TAFA2: variants seen among roughly 807,000 people sequenced by gnomAD.
TAFA2 encodes TAFA chemokine like family member 2.
Under a neutral mutation model 18.8 loss-of-function variants are expected in TAFA2, and 7 were observed. The ratio of observed to expected loss-of-function variants is 0.37; its 90% CI spans 0.21 to 0.70. TAFA2 has a LOEUF of 0.70. TAFA2 is among the 30% of genes least tolerant of loss of function. The pLI is 0.53. For missense variants in TAFA2, 122 were observed against 158.1 expected, an observed-to-expected ratio of 0.77 and a Z score of 1.23; for synonymous variants, 60 against 54.2, an observed-to-expected ratio of 1.11 and a Z score of -0.47.
chr12:61,916,703 G>GA (rs1280433788), intron 1 of TAFA2, among the ~76,000 whole-genome samples: 1 of 152,054 alleles, frequency 6.6e-6, no homozygotes, highest in East Asian at 1.9e-4. Context: ...TTTATTTAGA[G>GA]AAAAAATTCT....
intron 1 of TAFA2, among the ~76,000 whole-genome samples, chr12:62,063,885 T>C (rs182802559): frequency 0.012 from 1,328 of 112,104 alleles, 21 homozygotes; most frequent in African/African-American, 0.037. Context: ...CACACACACA[T>C]GCATACACAC....
At position 61,879,514 on chromosome 12, in the gene TAFA2, G is replaced by A. The variant is rs1291599762; in HGVS notation, c.-1-12088C>T. On this transcript the variant is annotated intron_variant, in intron 1 of 4. Transcript: ENST00000416284. ...CAGCGGTATTGGAGGGATCACTGCT[G>A]TCATGGTCAACCAGAGCCTGCTGAG... is the stretch of plus-strand genomic sequence containing the variant. 5 of 708,652 alleles carry A rather than the reference G, an allele frequency of 7.1e-6. 1 individual carries two copies. The highest frequency in any genetic ancestry group is 4.5e-5 in the South Asian group (3 of 65,962). The allele number at this position is 708,652 out of a possible 1,614,324, so 43.9% of individuals were successfully genotyped here.
intron 2 of TAFA2, among the ~76,000 whole-genome samples, chr12:61,823,426 CTA>C (rs1423064396): frequency 1.3e-5 from 2 of 152,132 alleles, no homozygotes; most frequent in Non-Finnish European, 2.9e-5. Flanking sequence ...TGTCAGTATA[CTA>C]TATTTAGCTG....
At chr12:62,192,995 G>A (rs140101888), upstream of TAFA2, among the ~76,000 whole-genome samples, 11 of 152,336 alleles carry the variant, frequency 7.2e-5, no homozygotes, top group East Asian at 2.1e-3. Context: ...GATTTAGACG[G>A]AGGATTTTCA....
chr12:61,908,110 T>C (rs1348323996), intron 1 of TAFA2, among the ~76,000 whole-genome samples: 2 of 152,112 alleles, frequency 1.3e-5, no homozygotes, highest in Non-Finnish European at 2.9e-5. Context: ...ATTAAGACTT[T>C]GGGGGACTGT....
intron 1 of TAFA2, among the ~76,000 whole-genome samples, chr12:62,102,272 A>G (rs1039170309): frequency 2.6e-5 from 4 of 152,170 alleles, no homozygotes; most frequent in African/African-American, 9.7e-5. Context: ...AACTATTGCT[A>G]TTTTTAAAAT....
At chr12:61,951,111 ACT>A (rs1212696414) in intron 1 of TAFA2, among the ~76,000 whole-genome samples, 1 of 152,092 alleles carries the variant, frequency 6.6e-6, no homozygotes, top group Non-Finnish European at 1.5e-5. Context: ...TCAGAAAAAG[ACT>A]CACTGAGAAG....
At chr12:61,716,527 C>A (rs1198458936) in intron 4 of TAFA2, among the ~76,000 whole-genome samples, 1 of 152,008 alleles carries the variant, frequency 6.6e-6, no homozygotes. Context: ...TTTGTGAAAT[C>A]ACTGCCAAAT....
chr12:61,874,444 A>T (rs527398115), intron 1 of TAFA2, among the ~76,000 whole-genome samples: 1 of 152,232 alleles, frequency 6.6e-6, no homozygotes, highest in African/African-American at 2.4e-5. Flanking sequence ...GTTTCTAAGG[A>T]TTTTCTGGCA....
At chr12:61,960,910 C>T (rs1440965817) in intron 1 of TAFA2, among the ~76,000 whole-genome samples, 2 of 151,744 alleles carry the variant, frequency 1.3e-5, no homozygotes, top group Non-Finnish European at 2.9e-5. Context: ...GCTGTATTTG[C>T]TATTGTATGA....
chr12:61,747,548 A>G (rs1868780670), intron 4 of TAFA2, among the ~76,000 whole-genome samples: 1 of 150,600 alleles, frequency 6.6e-6, no homozygotes. Context: ...AAAAATGATG[A>G]GTTCATGTCC....
At chr12:62,241,655 T>TG (rs1306063452) in intron 1 of TAFA2, among the ~76,000 whole-genome samples, 1 of 152,220 alleles carries the variant, frequency 6.6e-6, no homozygotes. Flanking sequence ...AATAAACCCT[T>TG]GAAGATTTGT....
At chr12:61,713,173 T>C (rs891665513) in intron 4 of TAFA2, among the ~76,000 whole-genome samples, 1 of 152,178 alleles carries the variant, frequency 6.6e-6, no homozygotes, top group Non-Finnish European at 1.5e-5. Flanking sequence ...TGTAGCCCAC[T>C]CTTACACCAA....
At chr12:62,199,241 G>A (rs1435963417) in intron 1 of TAFA2, among the ~76,000 whole-genome samples, 2 of 152,068 alleles carry the variant, frequency 1.3e-5, no homozygotes, top group Admixed American at 1.3e-4. Flanking sequence ...TGTGCAAGAC[G>A]TCTAGGTTTG....
chr12:61,743,910 A>T (rs1868573929), intron 4 of TAFA2, among the ~76,000 whole-genome samples: 1 of 152,126 alleles, frequency 6.6e-6, no homozygotes. Flanking sequence ...CTCACAGTAG[A>T]GGAAAAAAGC....
At chr12:61,836,732 G>GATATATATGTATATAT (rs58543429) in intron 2 of TAFA2, among the ~76,000 whole-genome samples, 2 of 112,788 alleles carry the variant, frequency 1.8e-5, no homozygotes, top group Admixed American at 9.8e-5. Context: ...TTGCCAATTT[G>GATATATATGTATATAT]ATATATATAT....
chr12:61,923,615 T>C (rs1178645343), intron 1 of TAFA2, among the ~76,000 whole-genome samples: 1 of 151,920 alleles, frequency 6.6e-6, no homozygotes, highest in African/African-American at 2.4e-5. Context: ...GGTAGATAAA[T>C]CTACAAAGAT....
At chr12:61,724,045 T>A (rs1032849855) in intron 4 of TAFA2, among the ~76,000 whole-genome samples, 16 of 152,120 alleles carry the variant, frequency 1.1e-4, no homozygotes, top group Non-Finnish European at 2.1e-4. Context: ...TGGTTCACCA[T>A]TGCCCCAAAA....
At chr12:62,132,072 C>CA (rs34482662) in intron 1 of TAFA2, among the ~76,000 whole-genome samples, 9,800 of 131,120 alleles carry the variant, frequency 0.075, 360 homozygotes, top group Non-Finnish European at 0.089. Context: ...TGAATCAAGT[C>CA]AAAAAAAAAA....
Sources: gnomAD v4.1 joint callset for allele counts (sites outside exome capture counted in the v4.1 genomes callset) on GRCh38, gnomAD v4.1.1 for gene constraint, MANE v1.5 for transcripts, NCBI Gene and HGNC (gene_info 2026-07-23, HGNC 2026-07-21) for gene names.